The following ROBO2 variants were observed in gnomAD, a reference collection of about 807,000 sequenced individuals.
The protein encoded by ROBO2 is roundabout guidance receptor 2.
Under a neutral mutation model 160.8 loss-of-function variants are expected in ROBO2, and 53 were observed. That is an observed-to-expected ratio of 0.33 (90% confidence interval 0.26 to 0.41). The LOEUF is 0.41. ROBO2 is among the 10% of genes least tolerant of loss of function. The probability of loss-of-function intolerance (pLI) is 1.00; values close to 1 mark genes in which losing one functional copy is unlikely to be tolerated. For missense variants in ROBO2, 1,577 were observed against 1,722.4 expected (o/e 0.92, Z 1.49); for synonymous variants, 664 against 611.7 (o/e 1.09, Z -1.26).
intron 2 of ROBO2, among the ~76,000 whole-genome samples, chr3:76,615,732 C>A (rs1012835106): frequency 3.9e-5 from 6 of 152,142 alleles, no homozygotes; most frequent in African/African-American, 4.8e-5. Flanking sequence ...TTCAGTTAAG[C>A]AAACCAAGTA....
chr3:77,166,156 G>A (rs1200163322), intron 2 of ROBO2, among the ~76,000 whole-genome samples: 13 of 152,056 alleles, frequency 8.5e-5, no homozygotes. Context: ...TGCTTGCGTG[G>A]CTGAGGCATA....
chr3:77,227,489 T>TA (rs1237285251), intron 2 of ROBO2, among the ~76,000 whole-genome samples: 6 of 152,226 alleles, frequency 3.9e-5, no homozygotes, highest in Non-Finnish European at 7.3e-5. Context: ...AGGATTGTGA[T>TA]AAAATAATTA....
At chr3:76,380,635 G>A (rs1490617405) in intron 2 of ROBO2, among the ~76,000 whole-genome samples, 3 of 151,896 alleles carry the variant, frequency 2.0e-5, no homozygotes, top group Non-Finnish European at 4.4e-5. Context: ...TATAAAATAC[G>A]TGTTAACTGA....
At chr3:77,420,580 G>C (rs991025788) in intron 2 of ROBO2, among the ~76,000 whole-genome samples, 36 of 152,210 alleles carry the variant, frequency 2.4e-4, no homozygotes, top group African/African-American at 8.7e-4. Context: ...CTCCTCTAAT[G>C]ATTTCAGCCA....
chr3:76,392,249 A>C (rs935519160), intron 2 of ROBO2, among the ~76,000 whole-genome samples: 2 of 152,170 alleles, frequency 1.3e-5, no homozygotes, highest in African/African-American at 2.4e-5. Context: ...AAGTAGGATT[A>C]TTTGGATAAC....
intron 2 of ROBO2, among the ~76,000 whole-genome samples, chr3:77,293,720 A>G (rs1471858055): frequency 7.8e-5 from 11 of 141,406 alleles, no homozygotes; most frequent in African/African-American, 2.0e-4. Context: ...ACATAAAGTA[A>G]AATTGATGGT....
chr3:76,437,803 G>C (rs2076752606), intron 2 of ROBO2, among the ~76,000 whole-genome samples: 1 of 152,100 alleles, frequency 6.6e-6, no homozygotes, highest in African/African-American at 2.4e-5. Flanking sequence ...GCTACTGCTG[G>C]CTGTCTACCC....
intron 2 of ROBO2, among the ~76,000 whole-genome samples, chr3:77,164,277 C>T (rs746842800): frequency 6.6e-6 from 1 of 152,152 alleles, no homozygotes; most frequent in East Asian, 1.9e-4. Flanking sequence ...AGGTGTAAAA[C>T]AACTCTTTTT....
In ROBO2 at chr3:77,015,980, A is replaced by G. The variant is rs181918935; in HGVS notation, c.110-82034A>G. On this transcript the variant is annotated intron_variant, in intron 2 of 26. Coordinates refer to the ROBO2 transcript ENST00000487694. Reference sequence around the variant, plus strand: ...CTAATATGTTATTTTTTTTATTTTTATTTTTATTTTTTTTGAGACAGAGCC... The same window carrying G: ...CTAATATGTTATTTTTTTTATTTTTGTTTTTATTTTTTTTGAGACAGAGCC... Among the ~76,000 whole-genome samples the G allele has an allele frequency of 3.3e-5, 5 of 150,654 alleles. No homozygotes were observed. In the East Asian group the frequency reaches 9.8e-4, roughly 30 times the overall value.
At chr3:76,036,990 G>A (rs1208318605) in intron 2 of ROBO2, among the ~76,000 whole-genome samples, 1 of 151,900 alleles carries the variant, frequency 6.6e-6, no homozygotes, top group Non-Finnish European at 1.5e-5. Context: ...CTTTGGAAAA[G>A]CAATTATCTT....
At chr3:76,479,808 C>T (rs916500312) in intron 2 of ROBO2, among the ~76,000 whole-genome samples, 4 of 152,162 alleles carry the variant, frequency 2.6e-5, no homozygotes, top group African/African-American at 9.7e-5. Context: ...CCTTTAGGAA[C>T]AGACAGTGTC....
chr3:76,443,618 A>G (rs905852703), intron 2 of ROBO2, among the ~76,000 whole-genome samples: 2 of 152,182 alleles, frequency 1.3e-5, no homozygotes, highest in Admixed American at 6.5e-5. Flanking sequence ...TACCATGTAC[A>G]AGGTAATCAC....
intron 21 of ROBO2, 92 bp from the exon 23 acceptor site, chr3:77,617,421 C>A: frequency 7.2e-7 from 1 of 1,390,852 alleles, no homozygotes; most frequent in Non-Finnish European, 1.0e-6. Context: ...TTTCAGATAC[C>A]ATGTGGTTGC....
At chr3:77,107,063 G>A (rs2072901928) in intron 2 of ROBO2, among the ~76,000 whole-genome samples, 1 of 152,166 alleles carries the variant, frequency 6.6e-6, no homozygotes, top group Non-Finnish European at 1.5e-5. Context: ...TCATAGTTCT[G>A]GAGCCTATAA....
chr3:76,093,795 G>T (rs1394126406), intron 2 of ROBO2, among the ~76,000 whole-genome samples: 1 of 152,076 alleles, frequency 6.6e-6, no homozygotes, highest in Non-Finnish European at 1.5e-5. Flanking sequence ...TAGAGTCAAT[G>T]ATAGTGATAG....
intron 1 of ROBO2, among the ~76,000 whole-genome samples, chr3:77,096,029 C>T (rs2071015924): frequency 6.6e-6 from 1 of 151,842 alleles, no homozygotes; most frequent in African/African-American, 2.4e-5. Context: ...AAAATAGCAA[C>T]TTTTAAGAGT....
At chr3:76,524,168 G>A (rs2081800636) in intron 2 of ROBO2, among the ~76,000 whole-genome samples, 2 of 152,122 alleles carry the variant, frequency 1.3e-5, no homozygotes, top group African/African-American at 2.4e-5. Context: ...GTGAATTTGT[G>A]TACAAATCCT....
chr3:77,481,922 G>A (rs1382686879), intron 4 of ROBO2, among the ~76,000 whole-genome samples: 1 of 152,012 alleles, frequency 6.6e-6, no homozygotes, highest in Non-Finnish European at 1.5e-5. Context: ...ATACTGCAGG[G>A]CAGCTGTGGA....
chr3:76,219,447 A>G (rs1703803355), intron 2 of ROBO2, among the ~76,000 whole-genome samples: 1 of 152,356 alleles, frequency 6.6e-6, no homozygotes, highest in Non-Finnish European at 1.5e-5. Flanking sequence ...GCTAATATCC[A>G]GAATCTACAA....
Sources: allele counts gnomAD v4.1 joint callset (sites outside exome capture counted in the v4.1 genomes callset), GRCh38; gene constraint gnomAD v4.1.1; transcripts MANE v1.5; gene names NCBI Gene and HGNC (gene_info 2026-07-23, HGNC 2026-07-21).